The following MTR variants were observed in gnomAD, a reference collection of about 807,000 sequenced individuals.
MTR encodes 5-methyltetrahydrofolate-homocysteine methyltransferase.
In MTR, 84 loss-of-function variants were observed where a neutral mutation model predicts 154.8. The ratio of observed to expected loss-of-function variants is 0.54; its 90% CI spans 0.45 to 0.65. MTR has a LOEUF of 0.65. Ranked by LOEUF, MTR falls within the 30% of genes least tolerant of loss-of-function variation. The pLI is 0.00. For synonymous variants in MTR, 554 were observed against 553.9 expected (o/e 1.00, Z 0.00); for missense variants, 1,275 against 1,570.2 (o/e 0.81, Z 3.18).
chr1:236,852,253 C>CTG (rs1663945364), intron 16 of MTR, among the ~76,000 whole-genome samples: 2 of 96,420 alleles, frequency 2.1e-5, no homozygotes, highest in African/African-American at 8.4e-5. Flanking sequence ...CTTTGTCTTT[C>CTG]TGCGTGTGTG....
At chr1:236,851,728 C>T (rs1025658013) in intron 16 of MTR, among the ~76,000 whole-genome samples, 1 of 152,106 alleles carries the variant, frequency 6.6e-6, no homozygotes, top group Non-Finnish European at 1.5e-5. Context: ...GTTTTGCCTG[C>T]TTTTGAGCCT....
chr1:236,823,126 T>C (rs1165489678), intron 8 of MTR, among the ~76,000 whole-genome samples: 2 of 152,232 alleles, frequency 1.3e-5, no homozygotes, highest in Non-Finnish European at 2.9e-5. Context: ...AGAATTTCTA[T>C]ATATTCTAGT....
intron 1 of MTR, 89 bp downstream of exon 1, chr1:236,795,826 G>A: frequency 6.3e-7 from 1 of 1,594,646 alleles, no homozygotes; most frequent in Non-Finnish European, 8.6e-7. Flanking sequence ...CCCTTCTGCG[G>A]CGGGAGACGC....
chr1:236,889,918 G>GAT (rs1274298690), intron 28 of MTR, among the ~76,000 whole-genome samples: 1 of 152,124 alleles, frequency 6.6e-6, no homozygotes, highest in African/African-American at 2.4e-5. Flanking sequence ...AGGGAATGGG[G>GAT]ATTTAGGGTG....
At chr1:236,874,525 C>A (rs78162836) in intron 23 of MTR, among the ~76,000 whole-genome samples, 2 of 150,556 alleles carry the variant, frequency 1.3e-5, no homozygotes, top group Non-Finnish European at 2.9e-5. Context: ...GAGCCGAGAT[C>A]GCGCCACTGC....
chr1:236,888,229 G>T (rs1350157288), intron 27 of MTR, among the ~76,000 whole-genome samples: 1 of 152,174 alleles, frequency 6.6e-6, no homozygotes, highest in Non-Finnish European at 1.5e-5. Context: ...TAGAGAGACA[G>T]GAAGGCTCGG....
rs1402170691 is a variant in MTR, at chr1:236,900,667, TA to T, written c.*3027del. On this transcript the variant is annotated 3_prime_UTR_variant, in exon 33 of 33. Coordinates refer to ENST00000366577, the MANE Select transcript of MTR (RefSeq NM_000254.3). ...ATAAAGGCAAAGTGGAATGATAACCTAAAATCTGGTATGGTGATTTTGTAGG... is the reference window on the plus strand; with the variant it reads ...ATAAAGGCAAAGTGGAATGATAACCTAAATCTGGTATGGTGATTTTGTAGG... 2 of 152,232 alleles carry T rather than the reference TA, an allele frequency of 1.3e-5. No individual in the cohort carries two copies. The highest frequency in any genetic ancestry group is 2.9e-5 in the Non-Finnish European group (2 of 68,048). 9.4% of individuals were successfully genotyped at this position (152,232 alleles called of 1,614,324 possible).
At chr1:236,852,884 A>G (rs1663990922) in intron 17 of MTR, 64 bp from the exon 18 acceptor site, 1 of 1,583,622 alleles carries the variant, frequency 6.3e-7, no homozygotes, top group Non-Finnish European at 8.7e-7. Flanking sequence ...TACAGAGAAA[A>G]GTTTGCTGAT....
At chr1:236,889,418 G>A in intron 28 of MTR, 82 bp downstream of exon 28, 11 of 1,577,088 alleles carry the variant, frequency 7.0e-6, no homozygotes, top group Non-Finnish European at 9.6e-6. Context: ...TCGGTGAGGA[G>A]CAGTGGATTT....
chr1:236,868,594 A>T (rs1296232258), intron 22 of MTR, among the ~76,000 whole-genome samples: 1 of 152,228 alleles, frequency 6.6e-6, no homozygotes, highest in Non-Finnish European at 1.5e-5. Context: ...CTAGGAAAAG[A>T]CAAAAGAGGA....
At chr1:236,816,899 C>T (rs1231679981) in intron 8 of MTR, among the ~76,000 whole-genome samples, 1 of 152,084 alleles carries the variant, frequency 6.6e-6, no homozygotes, top group African/African-American at 2.4e-5. Flanking sequence ...TTCTAAAGCT[C>T]AGGTTTTTAT....
intron 20 of MTR, among the ~76,000 whole-genome samples, chr1:236,861,506 T>C (rs142373371): frequency 1.1e-3 from 172 of 152,250 alleles, no homozygotes; most frequent in African/African-American, 4.0e-3. Flanking sequence ...TCTATCATAA[T>C]CCTTATGTTC....
In MTR at chr1:236,896,995, G is replaced by A. The variant is rs76731959; in HGVS notation, c.3599-11G>A. 1,726 of 1,599,228 alleles carry A rather than the reference G, an allele frequency of 1.1e-3. 16 individuals carry two copies. The African/African-American group carries it at 0.021, about 20-fold the overall frequency. On this transcript the variant is annotated splice_polypyrimidine_tract_variant and intron_variant, in intron 31 of 32. Transcript: ENST00000366577. The stretch of plus-strand genomic sequence containing the variant: ...AGTCCATAAGCATTTTCCCTGTGTT[G>A]CTCCCTCTAGGCATTAGGTTAACAG...
chr1:236,858,197 G>A (rs1289877261), intron 18 of MTR, among the ~76,000 whole-genome samples: 10 of 152,278 alleles, frequency 6.6e-5, no homozygotes, highest in African/African-American at 1.9e-4. Context: ...ATGGACTCAC[G>A]GTTCCACGTG....
rs374435344 is a variant in MTR, at chr1:236,902,690, C to G, written c.*5046C>G. The stretch of plus-strand genomic sequence containing the variant: ...TTAAATGAGTTCGGGGCGGGGGGAG[C>G]ATGATGGTTTTCTCTCTCTCAGAAA... On this transcript the variant is annotated 3_prime_UTR_variant, in exon 33 of 33. Transcript: ENST00000366577. The G allele has an allele frequency of 8.5e-5, 13 of 152,326 alleles. No homozygotes were observed. In the East Asian group the frequency reaches 1.7e-3, roughly 20 times the overall value. The allele number at this position is 152,326 out of a possible 1,614,324, so 9.4% of individuals were successfully genotyped here.
chr1:236,816,035 G>A (rs1661574273), intron 7 of MTR, among the ~76,000 whole-genome samples: 2 of 152,152 alleles, frequency 1.3e-5, no homozygotes, highest in South Asian at 4.1e-4. Flanking sequence ...AACTCAGTAG[G>A]CAGACCTCTC....
chr1:236,808,809 T>C, intron 4 of MTR, 36 bp downstream of exon 4: 2 of 1,586,656 alleles, frequency 1.3e-6, no homozygotes, highest in Non-Finnish European at 1.7e-6. Context: ...GCACACGTGG[T>C]TCCTTTGATA....
chr1:236,845,818 CAGGTATTTTTATATAA>C (rs1331820108), intron 15 of MTR, among the ~76,000 whole-genome samples: 1 of 152,168 alleles, frequency 6.6e-6, no homozygotes, highest in East Asian at 1.9e-4. Flanking sequence ...GCCAGCAATA[CAGGTATTTTTATATAA>C]AGGCATGTTT....
chr1:236,888,805 C>G lies in MTR; in HGVS notation c.2852-376C>G, dbSNP rs147772337. On this transcript the variant is annotated intron_variant, in intron 27 of 32. Transcript: ENST00000366577. ...TTTGAAACTTTAGATAAGTAGCTTA[C>G]TCTCCATGTCTTTCTGGACATGTTC... Among the ~76,000 whole-genome samples, 486 of 152,320 alleles carry G rather than the reference C, an allele frequency of 3.2e-3. 2 individuals carry two copies. The highest frequency in any genetic ancestry group is 5.5e-3 in the Non-Finnish European group (374 of 68,030).
Sources: gnomAD v4.1 joint callset for allele counts (sites outside exome capture counted in the v4.1 genomes callset) on GRCh38, gnomAD v4.1.1 for gene constraint, MANE v1.5 for transcripts, NCBI Gene and HGNC (gene_info 2026-07-23, HGNC 2026-07-21) for gene names.